The following BANK1 variants were observed in gnomAD, a reference collection of about 807,000 sequenced individuals.
BANK1 encodes the protein B-cell scaffold protein with ankyrin repeats.
A neutral mutation model predicts 94.5 loss-of-function variants in BANK1; 95 were observed. That is an observed-to-expected ratio of 1.00 (90% CI 0.85 to 1.19). The LOEUF is 1.19. Ranked by LOEUF, BANK1 falls within the 50% of genes most tolerant of loss-of-function variation. BANK1 has a pLI of 0.00. For synonymous variants in BANK1, 334 were observed against 308.4 expected, an observed-to-expected ratio of 1.08 and a Z score of -0.87; for missense variants, 987 against 932.2, an observed-to-expected ratio of 1.06 and a Z score of -0.77.
chr4:101,850,113 G>C (rs1727416385), intron 2 of BANK1, among the ~76,000 whole-genome samples: 1 of 152,148 alleles, frequency 6.6e-6, no homozygotes, highest in Admixed American at 6.5e-5. Context: ...TTAAGGGTGT[G>C]TTCAGAATGA....
chr4:101,874,509 A>G (rs566221650), intron 5 of BANK1, among the ~76,000 whole-genome samples: 2 of 152,212 alleles, frequency 1.3e-5, no homozygotes, highest in East Asian at 3.9e-4. Flanking sequence ...ACCAGCTCCT[A>G]TTGATAAGAG....
At chr4:101,803,929 C>T (rs1157235721) in intron 1 of BANK1, among the ~76,000 whole-genome samples, 4 of 122,590 alleles carry the variant, frequency 3.3e-5, no homozygotes, top group Admixed American at 3.1e-4. Flanking sequence ...ACCCGGGAAG[C>T]GGAGCTTGCA....
At chr4:102,016,037 T>G (rs1726688279) in intron 7 of BANK1, among the ~76,000 whole-genome samples, 1 of 152,172 alleles carries the variant, frequency 6.6e-6, no homozygotes, top group African/African-American at 2.4e-5. Context: ...ATCCACGAAG[T>G]ATTCTTGCTG....
intron 9 of BANK1, among the ~76,000 whole-genome samples, chr4:102,029,183 T>C (rs1227645010): frequency 6.6e-6 from 1 of 152,182 alleles, no homozygotes; most frequent in Non-Finnish European, 1.5e-5. Flanking sequence ...CAGAAGCCAT[T>C]GGCCAGTGTC....
chr4:102,029,922 A>G (rs763295440), intron 9 of BANK1, 38 bp from the exon 10 acceptor site: 14 of 1,546,520 alleles, frequency 9.1e-6, no homozygotes, highest in Admixed American at 2.1e-5. Flanking sequence ...GTTGCATGTA[A>G]CAGAAGAGTA....
chr4:101,877,728 T>C (rs1368460991), intron 5 of BANK1, among the ~76,000 whole-genome samples: 2 of 151,930 alleles, frequency 1.3e-5, no homozygotes, highest in African/African-American at 4.8e-5. Context: ...CTACTAAAAA[T>C]ACAAAAATTA....
At chr4:101,913,492 C>T (rs974194561) in intron 6 of BANK1, among the ~76,000 whole-genome samples, 2 of 152,190 alleles carry the variant, frequency 1.3e-5, no homozygotes, top group African/African-American at 2.4e-5. Context: ...ATTACCTCCA[C>T]ACATGGACCG....
intron 7 of BANK1, among the ~76,000 whole-genome samples, chr4:101,959,306 A>C (rs140188161): frequency 0.01 from 1,528 of 151,862 alleles, 17 homozygotes; most frequent in Non-Finnish European, 0.016. Context: ...CGCCCGGCTA[A>C]TTTTTGTATT....
chr4:102,059,683 C>A (rs1728347814), intron 11 of BANK1, among the ~76,000 whole-genome samples: 1 of 152,194 alleles, frequency 6.6e-6, no homozygotes, highest in Admixed American at 6.5e-5. Context: ...AAGCATTTCA[C>A]TACAAAATGA....
intron 7 of BANK1, among the ~76,000 whole-genome samples, chr4:101,986,895 G>GTATATATATATATATA (rs1253442320): frequency 3.1e-5 from 2 of 64,684 alleles, no homozygotes; most frequent in African/African-American, 9.2e-5. Context: ...GTGTGTGTGT[G>GTATATATATATATATA]TGTGTATATA....
intron 7 of BANK1, among the ~76,000 whole-genome samples, chr4:102,007,090 A>T (rs1242840257): frequency 2.2e-5 from 2 of 91,770 alleles, no homozygotes; most frequent in African/African-American, 8.3e-5. Context: ...AAATATATAT[A>T]TAATATATTT....
At chr4:102,061,869 A>T (rs979118530) in intron 12 of BANK1, 1 of 152,206 alleles carries the variant, frequency 6.6e-6, no homozygotes, top group Admixed American at 6.6e-5. Flanking sequence ...ATTTTAAAAA[A>T]TTATTTTTTT....
At chr4:102,036,201 A>G (rs1414523298) in intron 10 of BANK1, among the ~76,000 whole-genome samples, 3 of 152,236 alleles carry the variant, frequency 2.0e-5, no homozygotes, top group African/African-American at 4.8e-5. Context: ...CAGTGCAACA[A>G]AGTTGTATGT....
intron 7 of BANK1, among the ~76,000 whole-genome samples, chr4:101,971,253 G>C (rs1003956861): frequency 6.6e-6 from 1 of 152,016 alleles, no homozygotes; most frequent in African/African-American, 2.4e-5. Context: ...GTATTTTGTG[G>C]CTTTTAATCA....
intron 6 of BANK1, among the ~76,000 whole-genome samples, chr4:101,901,748 G>A (rs552857316): frequency 4.5e-5 from 2 of 44,696 alleles, no homozygotes; most frequent in South Asian, 5.1e-4. Context: ...ATCTCCAGAC[G>A]CTTTTTGTTT....
At chr4:101,896,742 TTGG>T (rs1247384850) in intron 6 of BANK1, among the ~76,000 whole-genome samples, 1 of 151,782 alleles carries the variant, frequency 6.6e-6, no homozygotes, top group Non-Finnish European at 1.5e-5. Flanking sequence ...TGAGATAAAC[TTGG>T]TGGTAGTGAT....
chr4:101,884,101 T>A lies in BANK1; in HGVS notation c.904-11204T>A, dbSNP rs28445211. On this transcript the variant is annotated intron_variant, in intron 5 of 16. Transcript: ENST00000322953. ...TATGCTTTTACAGTAAACCAAATCA[T>A]GACATGGGAAATAAGTAAAAGAAGT... 6.3e-3 allele frequency among the ~76,000 whole-genome samples: 959 copies of A among 152,298 alleles called. 11 individuals are homozygous for A. Among genetic ancestry groups the A allele is most frequent in the African/African-American group, 0.021 (887 of 41,556 alleles).
intron 10 of BANK1, among the ~76,000 whole-genome samples, chr4:102,033,630 C>G (rs756219642): frequency 9.2e-5 from 14 of 152,164 alleles, no homozygotes; most frequent in Non-Finnish European, 1.0e-4. Context: ...TTAAAGTTTA[C>G]TTATCTCACC....
chr4:102,054,292 C>A (rs184120144), intron 11 of BANK1, among the ~76,000 whole-genome samples: 1 of 152,082 alleles, frequency 6.6e-6, no homozygotes, highest in Non-Finnish European at 1.5e-5. Context: ...TTCACGTAAT[C>A]GTATTAACAA....
Sources: allele counts gnomAD v4.1 joint callset (sites outside exome capture counted in the v4.1 genomes callset), GRCh38; gene constraint gnomAD v4.1.1; transcripts MANE v1.5; gene names NCBI Gene and HGNC (gene_info 2026-07-23, HGNC 2026-07-21).